Variants in IGSF11 observed in about 807,000 individuals in gnomAD.
IGSF11 encodes the protein CXADR like 1.
IGSF11 carries 22 observed loss-of-function variants against 41.0 expected under a neutral mutation model. The ratio of observed to expected loss-of-function variants is 0.54; its 90% confidence interval spans 0.38 to 0.77. IGSF11 has a LOEUF of 0.77. Among genes scored for constraint, IGSF11 ranks in the 30% least tolerant of loss-of-function variants. IGSF11 has a pLI of 0.00. For missense variants in IGSF11, 444 were observed against 530.8 expected, an observed-to-expected ratio of 0.84 and a Z score of 1.61; for synonymous variants, 219 against 201.3, an observed-to-expected ratio of 1.09 and a Z score of -0.74.
At chr3:119,131,151 A>G (rs1423471871) in intron 1 of IGSF11, among the ~76,000 whole-genome samples, 1 of 152,242 alleles carries the variant, frequency 6.6e-6, no homozygotes, top group Non-Finnish European at 1.5e-5. Flanking sequence ...TCCCCTCCAA[A>G]GGATCGCAGC....
At chr3:118,936,049 TTC>T (rs1943250078) in intron 1 of IGSF11, among the ~76,000 whole-genome samples, 1 of 152,126 alleles carries the variant, frequency 6.6e-6, no homozygotes, top group South Asian at 2.1e-4. Context: ...AATAAAAAGT[TTC>T]TTAGAGTAAG....
At chr3:119,016,862 G>A (rs2107704798) in intron 1 of IGSF11, among the ~76,000 whole-genome samples, 1 of 152,198 alleles carries the variant, frequency 6.6e-6, no homozygotes. Context: ...GTTCCATAAA[G>A]TGTCTGACTC....
intron 1 of IGSF11, among the ~76,000 whole-genome samples, chr3:118,952,224 C>A (rs888232481): frequency 1.3e-5 from 2 of 152,128 alleles, no homozygotes; most frequent in Admixed American, 1.3e-4. Flanking sequence ...GAAGGTCTTG[C>A]CTCAATGTTG....
At chr3:119,125,913 C>T (rs2077398298) in intron 1 of IGSF11, among the ~76,000 whole-genome samples, 1 of 152,184 alleles carries the variant, frequency 6.6e-6, no homozygotes, top group South Asian at 2.1e-4. Context: ...TCAGAAGACC[C>T]CGCTCGCGAA....
intron 1 of IGSF11, among the ~76,000 whole-genome samples, chr3:119,010,214 A>T (rs1313533308): frequency 6.6e-6 from 1 of 152,296 alleles, no homozygotes; most frequent in South Asian, 2.1e-4. Flanking sequence ...TACCCATGGA[A>T]CAGGACTCCT....
chr3:119,120,652 C>T (rs370350959), intron 1 of IGSF11, among the ~76,000 whole-genome samples: 1 of 152,160 alleles, frequency 6.6e-6, no homozygotes, highest in African/African-American at 2.4e-5. Context: ...GGCCTCCCAC[C>T]CTAACCTTTT....
At chr3:118,959,830 G>A (rs1026348726) in intron 1 of IGSF11, among the ~76,000 whole-genome samples, 3 of 152,068 alleles carry the variant, frequency 2.0e-5, no homozygotes, top group Non-Finnish European at 2.9e-5. Flanking sequence ...GGCAGATCAC[G>A]AGGTCAGGAG....
chr3:119,010,371 T>G (rs1242591079), intron 1 of IGSF11, among the ~76,000 whole-genome samples: 1 of 152,216 alleles, frequency 6.6e-6, no homozygotes, highest in East Asian at 1.9e-4. Flanking sequence ...CGACGGTTAA[T>G]TGTATGTGTC....
chr3:119,127,486 A>G (rs529997320), intron 1 of IGSF11, among the ~76,000 whole-genome samples: 1 of 152,252 alleles, frequency 6.6e-6, no homozygotes, highest in South Asian at 2.1e-4. Flanking sequence ...CCAGGATATG[A>G]TCTCCTGGGA....
upstream of IGSF11, among the ~76,000 whole-genome samples, chr3:119,106,325 G>A (rs1444521521): frequency 6.6e-6 from 1 of 151,768 alleles, no homozygotes; most frequent in South Asian, 2.1e-4. Context: ...ACTATTTTTT[G>A]TACCCATTAA....
chr3:118,903,561 G>C (rs1939186269), intron 6 of IGSF11, among the ~76,000 whole-genome samples: 2 of 152,130 alleles, frequency 1.3e-5, no homozygotes, highest in African/African-American at 4.8e-5. Context: ...GTGGGGTGCT[G>C]ATGAGAGGTT....
rs551494381 is a variant in IGSF11 at position 119,019,072 on chromosome 3, T to C, written c.52+15459A>G. 8.5e-5 allele frequency among the ~76,000 whole-genome samples: 13 copies of C among 152,314 alleles called. No individual in the cohort carries two copies. The South Asian group carries it at 2.5e-3, about 29-fold the overall frequency. ...TAAAGAGGGTTTTCTTAAAAGAAAG[T>C]ATCATTTATTGAGATTCAATAAACC... On this transcript the variant is annotated intron_variant, in intron 1 of 6. Transcript: ENST00000393775.
chr3:118,909,662 T>C (rs1940034696), intron 4 of IGSF11, among the ~76,000 whole-genome samples: 1 of 152,258 alleles, frequency 6.6e-6, no homozygotes, highest in Admixed American at 6.5e-5. Context: ...CAGATGGATG[T>C]TAGGATACAT....
chr3:119,008,669 A>C (rs1455165154), intron 1 of IGSF11, among the ~76,000 whole-genome samples: 4 of 152,244 alleles, frequency 2.6e-5, no homozygotes, highest in Non-Finnish European at 5.9e-5. Flanking sequence ...TTCTACAAAG[A>C]AACATGCCCA....
At chr3:118,909,189 G>A (rs1349033589) in intron 4 of IGSF11, among the ~76,000 whole-genome samples, 2 of 152,072 alleles carry the variant, frequency 1.3e-5, no homozygotes, top group Non-Finnish European at 1.5e-5. Context: ...TGAAGAGTTA[G>A]ATAAGAATTC....
At chr3:118,993,807 AG>A (rs1482154476) in intron 1 of IGSF11, among the ~76,000 whole-genome samples, 1 of 152,208 alleles carries the variant, frequency 6.6e-6, no homozygotes, top group Non-Finnish European at 1.5e-5. Context: ...AGAAAAGGCA[AG>A]TCTATATAGA....
rs370156885 is a variant in IGSF11 at position 119,136,818 on chromosome 3, A to G, written c.-14+8995T>C. Among the ~76,000 whole-genome samples the G allele has an allele frequency of 7.2e-5, 11 of 152,238 alleles. No homozygotes were observed. In the South Asian group the frequency reaches 1.2e-3, roughly 17 times the overall value. On this transcript the variant is annotated intron_variant, in intron 1 of 7. Coordinates refer to the IGSF11 transcript ENST00000425327. ...TCTGCAGATCCAGATATAATCTTGT[A>G]TTTGGAAAAACCTCGGGACTCCACA...
intron 1 of IGSF11, among the ~76,000 whole-genome samples, chr3:119,007,791 A>C (rs1378773932): frequency 6.6e-6 from 1 of 152,214 alleles, no homozygotes; most frequent in Non-Finnish European, 1.5e-5. Flanking sequence ...AAAAAAGCAA[A>C]GATCTTCTGA....
rs1200833134 is a variant in IGSF11 at position 118,947,224 on chromosome 3, CTGTGG to C, written c.53-16954_53-16950del. The C allele has an allele frequency of 9.9e-5, 15 of 152,282 alleles. No homozygotes were observed. The East Asian group carries it at 2.5e-3, about 25-fold the overall frequency. 9.4% of individuals were successfully genotyped at this position (152,282 alleles called of 1,614,324 possible). A position where few individuals can be genotyped will look rare whatever the true frequency, so the allele number is the denominator to read the frequency against. On this transcript the variant is annotated intron_variant, in intron 1 of 6. Coordinates refer to ENST00000393775, the MANE Select transcript of IGSF11 (RefSeq NM_001015887.3). ...AAAATTCATTACTCTTCAAAGTTGT[CTGTGG>C]TTTTGTGACAACGATATGACTAGGT...
Sources: gnomAD v4.1 joint callset for allele counts (sites outside exome capture counted in the v4.1 genomes callset) on GRCh38, gnomAD v4.1.1 for gene constraint, MANE v1.5 for transcripts, NCBI Gene and HGNC (gene_info 2026-07-23, HGNC 2026-07-21) for gene names.